Variants in VPS41 observed in about 807,000 individuals in gnomAD.
The protein encoded by VPS41 is vacuolar protein sorting-associated protein 41 homolog.
A neutral mutation model predicts 130.9 loss-of-function variants in VPS41; 85 were observed. The observed-to-expected ratio is 0.65, with a 90% CI of 0.55 to 0.78. The LOEUF (loss-of-function observed/expected upper bound fraction) is 0.78. Ranked by LOEUF, VPS41 falls within the 30% of genes least tolerant of loss-of-function variation. The probability of loss-of-function intolerance (pLI) is 0.00; values close to 1 mark genes in which losing one functional copy is unlikely to be tolerated. For missense variants in VPS41, 874 were observed against 1,018.7 expected (o/e 0.86, Z 1.93); for synonymous variants, 335 against 332.9 (o/e 1.01, Z -0.07).
chr7:38,823,970 G>C (rs1008429799), intron 5 of VPS41, among the ~76,000 whole-genome samples: 15 of 151,988 alleles, frequency 9.9e-5, no homozygotes, highest in African/African-American at 3.1e-4. Flanking sequence ...CTGCATTCAG[G>C]GTTTCACTTT....
At chr7:38,740,576 T>C (rs571959387) in intron 25 of VPS41, among the ~76,000 whole-genome samples, 2 of 152,310 alleles carry the variant, frequency 1.3e-5, no homozygotes, top group South Asian at 2.1e-4. Flanking sequence ...TGGAAATATA[T>C]GCCTATATAT....
chr7:38,864,342 T>C (rs1435607378), intron 3 of VPS41, among the ~76,000 whole-genome samples: 1 of 152,244 alleles, frequency 6.6e-6, no homozygotes, highest in African/African-American at 2.4e-5. Context: ...AAATTTCTCA[T>C]TTCATTCATT....
At chr7:38,734,952 G>T (rs905720572) in intron 25 of VPS41, among the ~76,000 whole-genome samples, 1 of 152,116 alleles carries the variant, frequency 6.6e-6, no homozygotes, top group Non-Finnish European at 1.5e-5. Context: ...TTTGCTTTCG[G>T]CTGGGATTCT....
chr7:38,776,545 T>G, intron 11 of VPS41, 134 bp downstream of exon 11: 2 of 537,100 alleles, frequency 3.7e-6, no homozygotes, highest in East Asian at 2.9e-5. Context: ...AAGGGTAATC[T>G]CTGCCAACCT....
At chr7:38,806,895 C>T (rs1442167454) in intron 7 of VPS41, among the ~76,000 whole-genome samples, 1 of 152,198 alleles carries the variant, frequency 6.6e-6, no homozygotes, top group Non-Finnish European at 1.5e-5. Context: ...CAATTTCACA[C>T]AAAACCAACA....
chr7:38,772,499 CA>C, intron 13 of VPS41, 22 bp downstream of exon 13: 1 of 1,493,646 alleles, frequency 6.7e-7, no homozygotes, highest in Non-Finnish European at 9.3e-7. Flanking sequence ...TCAATACTTT[CA>C]AAGAAGTAAA....
chr7:38,796,028 A>C (rs1473879387), intron 8 of VPS41, among the ~76,000 whole-genome samples: 1 of 152,242 alleles, frequency 6.6e-6, no homozygotes, highest in African/African-American at 2.4e-5. Flanking sequence ...TAAAGTTCTC[A>C]AATGAAAACA....
At chr7:38,746,979 A>G (rs1193194509) in intron 22 of VPS41, among the ~76,000 whole-genome samples, 2 of 152,186 alleles carry the variant, frequency 1.3e-5, no homozygotes, top group African/African-American at 4.8e-5. Flanking sequence ...CCACTCCACC[A>G]ACACTTCCAC....
chr7:38,727,015 A>C (rs769817255), intron 27 of VPS41, 27 bp from the exon 28 acceptor site: 30 of 1,499,974 alleles, frequency 2.0e-5, no homozygotes, highest in South Asian at 1.1e-4. Flanking sequence ...AGAAAGGAGG[A>C]GAACTTAATG....
At chr7:38,812,023 G>A (rs944591803) in intron 7 of VPS41, among the ~76,000 whole-genome samples, 4 of 152,044 alleles carry the variant, frequency 2.6e-5, no homozygotes, top group African/African-American at 9.7e-5. Flanking sequence ...AAGATGTGAT[G>A]TTCAGTAGGT....
chr7:38,801,852 G>A (rs889761105), intron 7 of VPS41, among the ~76,000 whole-genome samples: 4 of 152,182 alleles, frequency 2.6e-5, no homozygotes, highest in African/African-American at 9.7e-5. Context: ...CAATGCGTTT[G>A]CTACAGGAGG....
chr7:38,891,726 C>A (rs1287856189), intron 2 of VPS41, among the ~76,000 whole-genome samples: 2 of 152,124 alleles, frequency 1.3e-5, no homozygotes, highest in South Asian at 2.1e-4. Context: ...ATTTTCTTTA[C>A]TTAAAAATTA....
At chr7:38,866,594 T>C (rs1268048189) in intron 3 of VPS41, among the ~76,000 whole-genome samples, 2 of 152,108 alleles carry the variant, frequency 1.3e-5, no homozygotes, top group Admixed American at 1.3e-4. Context: ...ATGCTGAGGT[T>C]CAGGAAAAAA....
At chr7:38,764,113 G>A (rs1236211329) in intron 16 of VPS41, among the ~76,000 whole-genome samples, 2 of 152,134 alleles carry the variant, frequency 1.3e-5, no homozygotes, top group South Asian at 2.1e-4. Flanking sequence ...CATCCCCAAG[G>A]AGCTCACAAG....
In VPS41 at chr7:38,869,190, T is replaced by C. The variant is rs776451714; in HGVS notation, c.124A>G (p.Ile42Val). The C allele has an allele frequency of 4.3e-6, 7 of 1,612,232 alleles. No individual in the cohort carries two copies. Among genetic ancestry groups the C allele is most frequent in the Non-Finnish European group, 5.9e-6 (7 of 1,178,744 alleles). Residue 42 changes from isoleucine to valine, a missense_variant, in exon 3 of 29, where the codon ATA becomes GTA. By Grantham distance (29) the Ile-to-Val change is conservative (BLOSUM62 3). Coordinates refer to ENST00000310301, the MANE Select transcript of VPS41 (RefSeq NM_014396.4). ...CAGCTAGCTGCATCCTTCTGAAGTA[T>C]TTCAGTTACCCCATTGGAAAGCCTT... ...YERLSNGVTE[I>V]LQKDAASCMT...
At chr7:38,813,133 C>T (rs182312429) in intron 7 of VPS41, among the ~76,000 whole-genome samples, 43 of 151,968 alleles carry the variant, frequency 2.8e-4, no homozygotes, top group African/African-American at 8.2e-4. Context: ...GTCAATCAAG[C>T]GACAAACGGA....
chr7:38,846,007 AAG>A (rs1785716266), intron 4 of VPS41, among the ~76,000 whole-genome samples: 1 of 152,242 alleles, frequency 6.6e-6, no homozygotes, highest in African/African-American at 2.4e-5. Context: ...ATACAAAAGA[AAG>A]AGTGATAGAG....
intron 27 of VPS41, chr7:38,728,313 A>G (rs891123723): frequency 1.8e-5 from 12 of 684,642 alleles, no homozygotes; most frequent in Middle Eastern, 3.8e-4. Context: ...CTGGGTTCCA[A>G]TAAGCCTGCC....
intron 2 of VPS41, among the ~76,000 whole-genome samples, chr7:38,888,365 G>C (rs1786781725): frequency 6.6e-6 from 1 of 152,122 alleles, no homozygotes; most frequent in South Asian, 2.1e-4. Context: ...AAAAAAAGCA[G>C]GGGTTGCAAT....
Sources: allele counts gnomAD v4.1 joint callset (sites outside exome capture counted in the v4.1 genomes callset), GRCh38; gene constraint gnomAD v4.1.1; transcripts MANE v1.5; gene names NCBI Gene and HGNC (gene_info 2026-07-23, HGNC 2026-07-21).